DTYMK: variants seen among roughly 807,000 people sequenced by gnomAD.
DTYMK encodes the protein thymidylate kinase.
In DTYMK, 20 loss-of-function variants were observed where a neutral mutation model predicts 20.3. The observed-to-expected ratio is 0.99, with a 90% CI of 0.69 to 1.43. The LOEUF (loss-of-function observed/expected upper bound fraction) is 1.43, where lower values mean the gene tolerates loss of function less well. Among genes scored for constraint, DTYMK ranks in the 40% most tolerant of loss-of-function variants. DTYMK has a pLI of 0.00. For synonymous variants in DTYMK, 148 were observed against 124.4 expected (o/e 1.19, Z -1.27); for missense variants, 320 against 291.1 (o/e 1.10, Z -0.72).
chr2:241,676,597 A>G (rs35137830), intron 4 of DTYMK, among the ~76,000 whole-genome samples: 30,031 of 152,186 alleles, frequency 0.2, 3,309 homozygotes, highest in East Asian at 0.28. Context: ...CTGAACCTCA[A>G]CCTTGACAAG....
In DTYMK at chr2:241,680,245, A is replaced by G; in HGVS notation, c.314T>C (p.Phe105Ser). ...GGCACTCACCTCCTTGGCACCGGTGAAGGCCACACCAGAAAATGCGTATCT... is the reference window on the plus strand; with the variant it reads ...GGCACTCACCTCCTTGGCACCGGTGGAGGCCACACCAGAAAATGCGTATCT... ...VDRYAFSGVA[F>S]TGAKENFSLD... The change falls in exon 3 of 5, where the codon TTC (phenylalanine) becomes TCC (serine). Residue 105 changes from phenylalanine to serine, a missense_variant. Transcript: ENST00000305784. The G allele has an allele frequency of 6.2e-7, 1 of 1,614,178 alleles. No homozygotes were observed. Among genetic ancestry groups the G allele is most frequent in the Non-Finnish European group, 8.5e-7 (1 of 1,180,014 alleles).
chr2:241,683,416 T>C (rs1451483419), intron 2 of DTYMK, among the ~76,000 whole-genome samples: 4 of 152,108 alleles, frequency 2.6e-5, no homozygotes, highest in African/African-American at 7.2e-5. Flanking sequence ...TGTTAAGCTT[T>C]CTCAAAACGT....
rs1314382660 is a variant in DTYMK at position 241,676,165 on chromosome 2, T to C, written c.601A>G (p.Thr201Ala). 3 of 1,612,828 alleles carry C rather than the reference T, an allele frequency of 1.9e-6. No individual in the cohort carries two copies. The highest frequency in any genetic ancestry group is 2.7e-5 in the African/African-American group (2 of 74,904). The change falls in exon 5 of 5, where the codon ACT (threonine) becomes GCT (alanine). Residue 201 changes from threonine (T) to alanine (A), a missense_variant. Thr to Ala is a moderately conservative substitution (Grantham distance 58). Coordinates refer to ENST00000305784, the MANE Select transcript of DTYMK (RefSeq NM_012145.4). ...IRVLSEDAIRTATEKPLGELW... is the reference protein window; with the variant it reads ...IRVLSEDAIRAATEKPLGELW... ...TCCCCCAGCGGCTTCTCTGTGGCAG[T>C]GCGGATGGCGTCCTCAGAGAGCACG...
chr2:241,680,094 C>A, intron 3 of DTYMK, 135 bp downstream of exon 3: 1 of 754,848 alleles, frequency 1.3e-6, no homozygotes. Flanking sequence ...ATTAATCTAG[C>A]AAAGAGATAA....
intron 2 of DTYMK, among the ~76,000 whole-genome samples, chr2:241,684,543 G>C (rs1182738730): frequency 6.6e-6 from 1 of 152,226 alleles, no homozygotes; most frequent in African/African-American, 2.4e-5. Flanking sequence ...AAGAGAATGA[G>C]AAGGGCAGAG....
Position 241,685,858 on chromosome 2 carries a change from G to A in DTYMK, c.150C>T (p.Gly50=), listed in dbSNP as rs1051965767. 1 of 1,614,010 alleles carries A rather than the reference G, an allele frequency of 6.2e-7. No homozygotes were observed. Among genetic ancestry groups the A allele is most frequent in the Non-Finnish European group, 8.5e-7 (1 of 1,180,002 alleles). ...TTTGCAAGTAGGAACTCAGAAGTTTGCCGATTTCAGTTGATCTTTCTAGAA... is the reference window on the plus strand; with the variant it reads ...TTTGCAAGTAGGAACTCAGAAGTTTACCGATTTCAGTTGATCTTTCTAGAA... ...LRFPERSTEI[G]KLLSSYLQKK... is the part of the protein sequence containing the mutation. Residue 50 remains glycine, a synonymous_variant, in exon 2 of 5, where the codon GGC becomes GGT. Coordinates refer to ENST00000305784, the MANE Select transcript of DTYMK (RefSeq NM_012145.4).
intron 2 of DTYMK, chr2:241,682,435 T>G: frequency 3.3e-6 from 1 of 302,920 alleles, no homozygotes. Flanking sequence ...AGGACTGTTA[T>G]CTAAAGCATA....
chr2:241,685,387 G>A (rs2069362122), intron 2 of DTYMK: 1 of 158,900 alleles, frequency 6.3e-6, no homozygotes, highest in Admixed American at 6.4e-5. Flanking sequence ...GCAAAAATTA[G>A]CTGAGCATGC....
intron 3 of DTYMK, among the ~76,000 whole-genome samples, chr2:241,679,931 T>A (rs1381420092): frequency 6.8e-6 from 1 of 147,328 alleles, no homozygotes; most frequent in Non-Finnish European, 1.5e-5. Context: ...ATCGTGCCAC[T>A]GCACTCCAGC....
At chr2:241,683,768 G>A (rs1413020891) in intron 2 of DTYMK, among the ~76,000 whole-genome samples, 1 of 152,088 alleles carries the variant, frequency 6.6e-6, no homozygotes, top group Admixed American at 6.6e-5. Flanking sequence ...AAAAAGACAT[G>A]AACTATTGGT....
At chr2:241,682,173 C>T (rs894589617) in intron 2 of DTYMK, 1 of 444,606 alleles carries the variant, frequency 2.2e-6, no homozygotes, top group African/African-American at 2.0e-5. Flanking sequence ...GACTCCATCG[C>T]TACAAAAAAT....
rs557773177 is a variant in DTYMK at position 241,679,958 on chromosome 2, G to A, written c.330+271C>T. Among the ~76,000 whole-genome samples the A allele has an allele frequency of 5.4e-3, 718 of 134,170 alleles. 7 individuals are homozygous for A. Among genetic ancestry groups the A allele is most frequent in the African/African-American group, 0.019 (683 of 36,828 alleles). The allele number at this position is 134,170 out of a possible 152,430, so 88.0% of individuals were successfully genotyped here. On this transcript the variant is annotated intron_variant, in intron 3 of 4. Transcript: ENST00000305784. The stretch of plus-strand genomic sequence containing the variant: ...CACTCCAGCCTGGGTGACAGAATGA[G>A]AGACTGTCTCCCCAAAAAAAAAAAA...
rs148453647 is a variant in DTYMK, at chr2:241,682,472, A to G, written c.240-2153T>C. ...AAAGAATTCTTAAAACTCAAAAATA[A>G]GAAATCAACCAACCCCCTTAAAAAG... On this transcript the variant is annotated intron_variant, in intron 2 of 4. Transcript: ENST00000305784. 1.8e-3 allele frequency: 506 copies of G among 282,380 alleles called. 1 individual carries two copies. The highest frequency in any genetic ancestry group is 0.011 in the African/African-American group (477 of 43,378). The allele number at this position is 282,380 out of a possible 1,614,324, so 17.5% of individuals were successfully genotyped here.
intron 4 of DTYMK, among the ~76,000 whole-genome samples, chr2:241,677,332 A>G (rs1559282639): frequency 6.6e-6 from 1 of 152,224 alleles, no homozygotes; most frequent in East Asian, 1.9e-4. Context: ...ACCGCCCAAG[A>G]TGAGCCTCTC....
At chr2:241,685,425 C>G (rs1265361583) in intron 2 of DTYMK, 1 of 178,668 alleles carries the variant, frequency 5.6e-6, no homozygotes, top group Middle Eastern at 2.3e-3. Context: ...CCCAGCTACT[C>G]GGGAGGCTGA....
At chr2:241,681,298 G>A (rs913291982) in intron 2 of DTYMK, among the ~76,000 whole-genome samples, 2 of 152,232 alleles carry the variant, frequency 1.3e-5, no homozygotes, top group Non-Finnish European at 2.9e-5. Flanking sequence ...ATGGTGCAAA[G>A]GCATTTTCCT....
Position 241,680,240 on chromosome 2 carries a change from C to G in DTYMK, c.319G>C (p.Gly107Arg), listed in dbSNP as rs140262226. The G allele has an allele frequency of 6.2e-7, 1 of 1,614,130 alleles. No individual in the cohort carries two copies. Among genetic ancestry groups the G allele is most frequent in the South Asian group, 1.1e-5 (1 of 91,074 alleles). ...CAAGTGGCACTCACCTCCTTGGCAC[C>G]GGTGAAGGCCACACCAGAAAATGCG... Reference protein sequence around the residue: ...RYAFSGVAFTGAKENFSLDWC... With the variant: ...RYAFSGVAFTRAKENFSLDWC... The change falls in exon 3 of 5, where the codon GGT becomes CGT. Residue 107 changes from glycine to arginine, a missense_variant. Physicochemically the swap from Gly to Arg is moderately radical, Grantham distance 125 (BLOSUM62 -2). Transcript: ENST00000305784.
intron 3 of DTYMK, 103 bp from the exon 4 acceptor site, chr2:241,678,752 A>G: frequency 7.6e-7 from 1 of 1,307,474 alleles, no homozygotes; most frequent in East Asian, 2.4e-5. Flanking sequence ...GTGAGGTACC[A>G]AGATGTGAGA....
At chr2:241,676,851 T>C (rs4675910) in intron 4 of DTYMK, among the ~76,000 whole-genome samples, 30,225 of 152,250 alleles carry the variant, frequency 0.2, 3,330 homozygotes, top group East Asian at 0.28. Flanking sequence ...GACCCTGCCC[T>C]GCCCACGCTC....
Sources: gnomAD v4.1 joint callset for allele counts (sites outside exome capture counted in the v4.1 genomes callset) on GRCh38, gnomAD v4.1.1 for gene constraint, MANE v1.5 for transcripts, NCBI Gene and HGNC (gene_info 2026-07-23, HGNC 2026-07-21) for gene names.